OSBPL9: variants seen among roughly 807,000 people sequenced by gnomAD.
The protein encoded by OSBPL9 is oxysterol-binding protein-related protein 9.
Under a neutral mutation model 106.6 loss-of-function variants are expected in OSBPL9, and 40 were observed. The ratio of observed to expected loss-of-function variants is 0.38; its 90% CI spans 0.29 to 0.49. The LOEUF (loss-of-function observed/expected upper bound fraction) is 0.49, where lower values mean the gene tolerates loss of function less well. Among genes scored for constraint, OSBPL9 ranks in the 20% least tolerant of loss-of-function variants. The pLI, the probability that OSBPL9 is intolerant of heterozygous loss-of-function variation, is 0.97. For missense variants in OSBPL9, 609 were observed against 887.2 expected, an observed-to-expected ratio of 0.69 and a Z score of 3.98; for synonymous variants, 269 against 295.4, an observed-to-expected ratio of 0.91 and a Z score of 0.92.
chr1:51,676,216 G>A (rs1651149076), intron 3 of OSBPL9, among the ~76,000 whole-genome samples: 1 of 152,122 alleles, frequency 6.6e-6, no homozygotes, highest in Admixed American at 6.6e-5. Flanking sequence ...GATCACTTCA[G>A]ACCAGGAGTT....
At chr1:51,740,189 T>A (rs1404313157) in intron 4 of OSBPL9, 2 of 1,540,526 alleles carry the variant, frequency 1.3e-6, no homozygotes, top group Non-Finnish European at 1.7e-6. Context: ...ATCTCTCCAG[T>A]TCTTGAATTT....
intron 1 of OSBPL9, among the ~76,000 whole-genome samples, chr1:51,597,459 G>GTA (rs1175701478): frequency 0.013 from 1,773 of 132,960 alleles, 14 homozygotes; most frequent in African/African-American, 0.028. Context: ...GTGTGTGTGT[G>GTA]TATATACACA....
At chr1:51,668,024 C>A (rs1371817454) in intron 2 of OSBPL9, among the ~76,000 whole-genome samples, 1 of 152,124 alleles carries the variant, frequency 6.6e-6, no homozygotes, top group Admixed American at 6.5e-5. Context: ...AATGTTTGAT[C>A]CTATTCCCTA....
At chr1:51,750,251 G>C in intron 8 of OSBPL9, 56 bp downstream of exon 8, 1 of 1,323,190 alleles carries the variant, frequency 7.6e-7, no homozygotes, top group African/African-American at 1.5e-5. Context: ...AATTATAATG[G>C]CGTTTTTCTT....
chr1:51,771,084 T>A lies in OSBPL9; in HGVS notation c.939-986T>A, dbSNP rs147174369. Among the ~76,000 whole-genome samples, 860 of 152,342 alleles carry A rather than the reference T, an allele frequency of 5.6e-3. 2 individuals are homozygous for A. The highest frequency in any genetic ancestry group is 0.02 in the African/African-American group (816 of 41,572). On this transcript the variant is annotated intron_variant, in intron 12 of 23. Transcript: ENST00000428468. ...AGACAGGGAATGTATGCATGCTGTC[T>A]ATATTTTCTGTTCAGTTTTGCCATG...
At position 51,784,295 on chromosome 1, in the gene OSBPL9, T is replaced by C; in HGVS notation, c.1656T>C (p.His552=). ...TCTCATGTCTAGACTATGATGAACA[T>C]TACATTCTCACATTCCCCAATGGCT... The part of the protein sequence containing the change: ...GCVSCLDYDE[H]YILTFPNGYG... The change falls in exon 19 of 24, where the codon CAT becomes CAC. Residue 552 remains histidine (H), a synonymous_variant. Coordinates refer to ENST00000428468, the MANE Select transcript of OSBPL9 (RefSeq NM_024586.6). 2 of 1,614,058 alleles carry C rather than the reference T, an allele frequency of 1.2e-6. No homozygotes were observed.
At chr1:51,558,108 C>A in the OSBPL9 span, among the ~76,000 whole-genome samples, 207 of 152,134 alleles carry the variant, frequency 1.4e-3, 1 homozygote, top group South Asian at 0.017. Context: ...GTGAAACCCC[C>A]TCTCTACTAA....
intron 4 of OSBPL9, among the ~76,000 whole-genome samples, chr1:51,742,920 A>G (rs958194610): frequency 6.6e-6 from 1 of 152,142 alleles, no homozygotes; most frequent in African/African-American, 2.4e-5. Context: ...AGACTAGATG[A>G]CTTTCAAAGA....
intron 4 of OSBPL9, 123 bp downstream of exon 4, chr1:51,714,202 T>C: frequency 1.6e-6 from 1 of 641,084 alleles, no homozygotes; most frequent in South Asian, 2.8e-5. Context: ...AATTTCTGAG[T>C]TGCTTATTTT....
At chr1:51,694,645 T>C (rs1655648695) in intron 3 of OSBPL9, among the ~76,000 whole-genome samples, 1 of 152,232 alleles carries the variant, frequency 6.6e-6, no homozygotes, top group South Asian at 2.1e-4. Context: ...TATGAGTTTG[T>C]AACATCATGC....
At chr1:51,772,547 G>T in intron 13 of OSBPL9, 58 bp from the exon 14 acceptor site, 1 of 1,279,418 alleles carries the variant, frequency 7.8e-7, no homozygotes, top group Non-Finnish European at 1.1e-6. Flanking sequence ...TGTAATTCTA[G>T]TATCAGGACA....
At chr1:51,558,084 T>A in the OSBPL9 span, among the ~76,000 whole-genome samples, 1 of 152,066 alleles carries the variant, frequency 6.6e-6, no homozygotes, top group Non-Finnish European at 1.5e-5. Flanking sequence ...ATCAAGACCA[T>A]CCTGGCTAAC....
intron 14 of OSBPL9, among the ~76,000 whole-genome samples, chr1:51,773,838 G>A (rs150492621): frequency 6.6e-6 from 1 of 152,304 alleles, no homozygotes; most frequent in African/African-American, 2.4e-5. Context: ...ACTTTTATTT[G>A]TGGAGCCCAA....
intron 16 of OSBPL9, 73 bp from the exon 17 acceptor site, chr1:51,782,486 C>CGTAT: frequency 7.5e-7 from 1 of 1,327,330 alleles, no homozygotes; most frequent in Non-Finnish European, 1.1e-6. Flanking sequence ...AGCAGAGACC[C>CGTAT]CAATTACCAG....
intron 3 of OSBPL9, among the ~76,000 whole-genome samples, chr1:51,695,793 A>C (rs1276395667): frequency 1.3e-5 from 2 of 152,170 alleles, no homozygotes; most frequent in Non-Finnish European, 2.9e-5. Flanking sequence ...TGTTGTGAAA[A>C]TTTAGTTAAT....
chr1:51,622,477 A>G (rs1478562598), intron 1 of OSBPL9, among the ~76,000 whole-genome samples: 1 of 152,188 alleles, frequency 6.6e-6, no homozygotes, highest in African/African-American at 2.4e-5. Context: ...GTTACCTCAT[A>G]GTTTTCGTGG....
chr1:51,655,557 A>G (rs1329799320), intron 2 of OSBPL9, among the ~76,000 whole-genome samples: 2 of 152,198 alleles, frequency 1.3e-5, no homozygotes, highest in Non-Finnish European at 2.9e-5. Context: ...CCCTTTTGCC[A>G]TGTAATGTAA....
rs1293562526 is a variant in OSBPL9 at position 51,590,916 on chromosome 1, ATTTTTTT to A, written c.-422-7194_-422-7188del. On this transcript the variant is annotated intron_variant, in intron 1 of 25. Coordinates refer to the OSBPL9 transcript ENST00000371714. ...AGGCACATGCCACCATGCCTGGCTA[ATTTTTTT>A]TTTTTTTTTTTTTGAGACGGAGTCT... Among the ~76,000 whole-genome samples, 1,115 of 131,628 alleles carry A rather than the reference ATTTTTTT, an allele frequency of 8.5e-3. 7 individuals are homozygous for A. Among genetic ancestry groups the A allele is most frequent in the African/African-American group, 0.03 (1,072 of 35,616 alleles). The allele number at this position is 131,628 out of a possible 152,430, so 86.4% of individuals were successfully genotyped here.
chr1:51,566,538 T>C, the OSBPL9 span: 2 of 152,182 alleles, frequency 1.3e-5, no homozygotes, highest in Non-Finnish European at 2.9e-5. Flanking sequence ...GGGTCTTTAT[T>C]GATCTATAAA....
Sources: gnomAD v4.1 joint callset for allele counts (sites outside exome capture counted in the v4.1 genomes callset) on GRCh38, gnomAD v4.1.1 for gene constraint, MANE v1.5 for transcripts, NCBI Gene and HGNC (gene_info 2026-07-23, HGNC 2026-07-21) for gene names.